The following ACER3 variants were observed in gnomAD, a reference collection of about 807,000 sequenced individuals.
The protein encoded by ACER3 is alkaline ceramidase 3, also known as alkCDase 3.
Under a neutral mutation model 48.9 loss-of-function variants are expected in ACER3, and 16 were observed. The observed-to-expected ratio is 0.33, with a 90% CI of 0.22 to 0.50. The LOEUF (loss-of-function observed/expected upper bound fraction) is 0.50. Among genes scored for constraint, ACER3 ranks in the 20% least tolerant of loss-of-function variants. The probability of loss-of-function intolerance (pLI) is 0.98; values close to 1 mark genes in which losing one functional copy is unlikely to be tolerated. For missense variants in ACER3, 227 were observed against 326.0 expected, an observed-to-expected ratio of 0.70 and a Z score of 2.34; for synonymous variants, 109 against 107.8, an observed-to-expected ratio of 1.01 and a Z score of -0.07.
chr11:76,936,245 A>T (rs1947181729), intron 2 of ACER3, among the ~76,000 whole-genome samples: 1 of 152,204 alleles, frequency 6.6e-6, no homozygotes, highest in African/African-American at 2.4e-5. Flanking sequence ...TAGAGTTTTT[A>T]AAAAGTACAG....
At chr11:76,880,394 C>G (rs563255398) in intron 1 of ACER3, among the ~76,000 whole-genome samples, 1 of 152,178 alleles carries the variant, frequency 6.6e-6, no homozygotes, top group African/African-American at 2.4e-5. Flanking sequence ...CACCAACAGA[C>G]AAGCAATCAG....
chr11:76,921,470 A>G (rs1946684220), intron 1 of ACER3, among the ~76,000 whole-genome samples: 2 of 152,224 alleles, frequency 1.3e-5, no homozygotes, highest in South Asian at 4.1e-4. Flanking sequence ...ATCTGTATTG[A>G]AAAGACCATC....
intron 1 of ACER3, among the ~76,000 whole-genome samples, chr11:76,910,476 A>G (rs1015631146): frequency 7.9e-5 from 12 of 152,188 alleles, no homozygotes; most frequent in Non-Finnish European, 1.2e-4. Flanking sequence ...ACTCTTTAAA[A>G]GAGAACTAAC....
At chr11:76,906,761 A>G (rs1565169864) in intron 1 of ACER3, among the ~76,000 whole-genome samples, 1 of 152,036 alleles carries the variant, frequency 6.6e-6, no homozygotes, top group Non-Finnish European at 1.5e-5. Flanking sequence ...GGATCTCACT[A>G]TGTTGCTCAG....
chr11:76,973,601 C>T (rs1322616552), intron 3 of ACER3, among the ~76,000 whole-genome samples: 1 of 152,154 alleles, frequency 6.6e-6, no homozygotes, highest in African/African-American at 2.4e-5. Flanking sequence ...CTAGCAGGCC[C>T]CCTACAGATG....
chr11:76,909,537 C>T (rs763058532), intron 1 of ACER3, among the ~76,000 whole-genome samples: 1 of 152,172 alleles, frequency 6.6e-6, no homozygotes, highest in Non-Finnish European at 1.5e-5. Context: ...CATCACCGGT[C>T]ATTAGAGAAA....
rs10676364 is a variant in ACER3 at position 76,875,107 on chromosome 11, C to CTTTTTTTTTTTTT, written c.103+14042_103+14054dup. 1.9e-3 allele frequency among the ~76,000 whole-genome samples: 148 copies of CTTTTTTTTTTTTT among 78,152 alleles called. 47 individuals carry two copies. The highest frequency in any genetic ancestry group is 3.4e-3 in the South Asian group (5 of 1,450). The allele number at this position is 78,152 out of a possible 152,430, so 51.3% of individuals were successfully genotyped here. A position where few individuals can be genotyped will look rare whatever the true frequency, so the allele number is the denominator to read the frequency against. On this transcript the variant is annotated intron_variant, in intron 1 of 10. Coordinates refer to ENST00000532485, the MANE Select transcript of ACER3 (RefSeq NM_018367.7). ...TTCTAACATGGCATGAAAAGCACTT[C>CTTTTTTTTTTTTT]TTTTTTTTTTTTTTTTTTTTTTTTT...
At position 76,868,375 on chromosome 11, in the gene ACER3, ATCTCTC is replaced by A. The variant is rs751868659; in HGVS notation, c.103+7308_103+7313del. Reference sequence around the variant, plus strand: ...GTGTACAAAAGAGTTTAGTTTTAATATCTCTCTCTCTCTCTCTGTGTGTGTGTGTGT... The same window carrying A: ...GTGTACAAAAGAGTTTAGTTTTAATATCTCTCTCTCTGTGTGTGTGTGTGT... On this transcript the variant is annotated intron_variant, in intron 1 of 10. Transcript: ENST00000532485. The A allele has an allele frequency of 4.6e-3, 2,179 of 474,304 alleles. 37 individuals are homozygous for A. Among genetic ancestry groups the A allele is most frequent in the African/African-American group, 0.031 (1,566 of 49,750 alleles). 29.4% of individuals were successfully genotyped at this position (474,304 alleles called of 1,614,324 possible). A position where few individuals can be genotyped will look rare whatever the true frequency, so the allele number is the denominator to read the frequency against.
chr11:77,002,953 G>A (rs1434315878), intron 7 of ACER3, among the ~76,000 whole-genome samples: 1 of 152,076 alleles, frequency 6.6e-6, no homozygotes, highest in Non-Finnish European at 1.5e-5. Flanking sequence ...AGGATGAGGG[G>A]GTTCCCTGGG....
At chr11:76,911,666 T>C (rs563040564) in intron 1 of ACER3, among the ~76,000 whole-genome samples, 60 of 152,226 alleles carry the variant, frequency 3.9e-4, no homozygotes, top group Admixed American at 1.0e-3. Context: ...ATCTGCCTCA[T>C]CTGCCTTTTT....
At chr11:76,971,190 G>T (rs1270980712) in intron 3 of ACER3, among the ~76,000 whole-genome samples, 3 of 152,136 alleles carry the variant, frequency 2.0e-5, no homozygotes, top group African/African-American at 7.2e-5. Context: ...TTGTGTACAT[G>T]TTGTGTTGTA....
intron 2 of ACER3, among the ~76,000 whole-genome samples, chr11:76,933,445 G>T (rs1249876540): frequency 6.7e-6 from 1 of 148,756 alleles, no homozygotes; most frequent in Non-Finnish European, 1.5e-5. Flanking sequence ...CGCAGTGTTT[G>T]TGTCCCTGGG....
chr11:76,894,590 T>G (rs780050641), intron 1 of ACER3, among the ~76,000 whole-genome samples: 19 of 152,226 alleles, frequency 1.2e-4, no homozygotes, highest in Non-Finnish European at 2.2e-4. Flanking sequence ...ACAAGGTTAC[T>G]TTGGGAATTA....
intron 1 of ACER3, among the ~76,000 whole-genome samples, chr11:76,899,937 GATAAC>G (rs752408833): frequency 6.6e-6 from 1 of 152,294 alleles, no homozygotes; most frequent in South Asian, 2.1e-4. Context: ...AAGCCATACT[GATAAC>G]ATAAACAGTT....
intron 2 of ACER3, among the ~76,000 whole-genome samples, chr11:76,950,076 T>C (rs1374787899): frequency 6.6e-6 from 1 of 151,998 alleles, no homozygotes; most frequent in Non-Finnish European, 1.5e-5. Context: ...TCTTCCTCAG[T>C]CTCCTGCTAG....
At chr11:76,879,160 A>C (rs1377620489) in intron 1 of ACER3, among the ~76,000 whole-genome samples, 2 of 152,038 alleles carry the variant, frequency 1.3e-5, no homozygotes, top group Non-Finnish European at 2.9e-5. Flanking sequence ...GTACATTTTG[A>C]TGAAGTCTAA....
intron 3 of ACER3, among the ~76,000 whole-genome samples, chr11:76,960,634 A>T (rs1947964129): frequency 6.6e-6 from 1 of 152,178 alleles, no homozygotes; most frequent in Non-Finnish European, 1.5e-5. Flanking sequence ...GGATAGCCAC[A>T]TGGGGTGGGG....
chr11:76,948,793 T>C (rs1415110090), intron 2 of ACER3, among the ~76,000 whole-genome samples: 1 of 152,198 alleles, frequency 6.6e-6, no homozygotes, highest in Non-Finnish European at 1.5e-5. Flanking sequence ...GCTTCCAAAA[T>C]CTAATTATGT....
chr11:76,905,953 G>T (rs1424612742), intron 1 of ACER3, among the ~76,000 whole-genome samples: 1 of 152,204 alleles, frequency 6.6e-6, no homozygotes. Context: ...ATGCATGAAG[G>T]GGAATTGGCC....
Sources: allele counts gnomAD v4.1 joint callset (sites outside exome capture counted in the v4.1 genomes callset), GRCh38; gene constraint gnomAD v4.1.1; transcripts MANE v1.5; gene names NCBI Gene and HGNC (gene_info 2026-07-23, HGNC 2026-07-21).